The following ENTPD7 variants were observed in gnomAD, a reference collection of about 807,000 sequenced individuals.
ENTPD7 encodes the protein ectonucleoside triphosphate diphosphohydrolase 7.
A neutral mutation model predicts 77.9 loss-of-function variants in ENTPD7; 53 were observed. That is an observed-to-expected ratio of 0.68 (90% CI 0.55 to 0.85). ENTPD7 has a LOEUF of 0.85. ENTPD7 is among the 40% of genes least tolerant of loss of function. The probability of loss-of-function intolerance (pLI) is 0.00; values close to 1 mark genes in which losing one functional copy is unlikely to be tolerated. For synonymous variants in ENTPD7, 248 were observed against 274.9 expected (o/e 0.90, Z 0.97); for missense variants, 636 against 743.7 (o/e 0.86, Z 1.68).
In ENTPD7 at chr10:99,661,568, T is replaced by C. The variant is rs770032562; in HGVS notation, c.131T>C (p.Met44Thr). The change falls in exon 3 of 13, where the codon ATG becomes ACG. Residue 44 changes from methionine to threonine, a missense_variant. By Grantham distance (81) the Met-to-Thr change is moderately conservative. Transcript: ENST00000370489. ...TTCATATCCTGTCTCCTTTTACTTA[T>C]GTTAATCATAGACTTTCGACATTGG... ...LFFISCLLLLMLIIDFRHWSA... is the reference protein window; with the variant it reads ...LFFISCLLLLTLIIDFRHWSA... 3.1e-6 allele frequency: 5 copies of C among 1,613,792 alleles called. No individual in the cohort carries two copies. In the South Asian group the frequency reaches 3.3e-5, roughly 11 times the overall value.
At chr10:99,673,108 T>C (rs1189879152) in intron 3 of ENTPD7, among the ~76,000 whole-genome samples, 3 of 152,064 alleles carry the variant, frequency 2.0e-5, no homozygotes, top group Non-Finnish European at 4.4e-5. Context: ...GAGGTGTGTG[T>C]GTGGGTATGG....
rs973803584 is a variant in ENTPD7 at position 99,707,669 on chromosome 10, G to A, written c.*2986G>A. Among the ~76,000 whole-genome samples the A allele has an allele frequency of 1.3e-5, 2 of 152,138 alleles. No homozygotes were observed. The highest frequency in any genetic ancestry group is 3.8e-4 in the East Asian group (2 of 5,200). On this transcript the variant is annotated 3_prime_UTR_variant, in exon 13 of 13. Coordinates refer to ENST00000370489, the MANE Select transcript of ENTPD7 (RefSeq NM_020354.5). ...AGGACTCTTGTTATTACTGAGACAG[G>A]TCACAAACATCAAAATAGGAGTCCG...
intron 3 of ENTPD7, among the ~76,000 whole-genome samples, chr10:99,664,267 T>A (rs1375436913): frequency 6.6e-6 from 1 of 151,964 alleles, no homozygotes; most frequent in Non-Finnish European, 1.5e-5. Context: ...TATTAAAAAA[T>A]TTTTTTCTTT....
At chr10:99,683,024 TCCAC>T (rs2035772233) in intron 5 of ENTPD7, among the ~76,000 whole-genome samples, 2 of 152,310 alleles carry the variant, frequency 1.3e-5, no homozygotes, top group African/African-American at 2.4e-5. Flanking sequence ...ACTGTGTAGC[TCCAC>T]CCTTTTTGTC....
Position 99,661,626 on chromosome 10 carries a change from A to G in ENTPD7, c.189A>G (p.Glu63=), listed in dbSNP as rs781377422. The change falls in exon 3 of 13, where the codon GAA becomes GAG. Residue 63 remains glutamate, a splice_region_variant and synonymous_variant. Transcript: ENST00000370489. ...SASLPRDRQY[E]RYLARVGELE... ...CATTACCACGAGATAGGCAATACGA[A>G]AGGTGAGTCAGCTTTAGATTTTGGC... The G allele has an allele frequency of 8.7e-6, 14 of 1,601,598 alleles. No homozygotes were observed. Among genetic ancestry groups the G allele is most frequent in the African/African-American group, 2.7e-5 (2 of 74,136 alleles).
In ENTPD7 at chr10:99,710,126, CT is replaced by C. The variant is rs2036335859; in HGVS notation, c.*5444del. 3 of 985,316 alleles carry C rather than the reference CT, an allele frequency of 3.0e-6. No individual in the cohort carries two copies. 61.0% of individuals were successfully genotyped at this position (985,316 alleles called of 1,614,324 possible). On this transcript the variant is annotated 3_prime_UTR_variant, in exon 13 of 13. Coordinates refer to ENST00000370489, the MANE Select transcript of ENTPD7 (RefSeq NM_020354.5). ...TAAAGGGCAACCACTTGTATACCCTCTGGTGGCCACTCCTCCTTCTCCACTC... is the reference window on the plus strand; with the variant it reads ...TAAAGGGCAACCACTTGTATACCCTCGGTGGCCACTCCTCCTTCTCCACTC...
Position 99,709,771 on chromosome 10 carries a change from C to T in ENTPD7, c.*5088C>T, listed in dbSNP as rs902162129. ...CTTCCTTATATCCTAATAGACTTCT[C>T]TTGTGTTATTACACATTTCTCTTTT... On this transcript the variant is annotated 3_prime_UTR_variant, in exon 13 of 13. Transcript: ENST00000370489. 1.2e-5 allele frequency: 12 copies of T among 985,214 alleles called. No homozygotes were observed. The highest frequency in any genetic ancestry group is 1.7e-5 in the African/African-American group (1 of 57,222). 61.0% of individuals were successfully genotyped at this position (985,214 alleles called of 1,614,324 possible).
At chr10:99,694,010 A>G (rs2133485369) in intron 8 of ENTPD7, among the ~76,000 whole-genome samples, 1 of 152,320 alleles carries the variant, frequency 6.6e-6, no homozygotes. Context: ...ACTGTGAGAC[A>G]ATGGCATTTA....
intron 5 of ENTPD7, among the ~76,000 whole-genome samples, chr10:99,682,329 C>T (rs1172637065): frequency 6.6e-6 from 1 of 151,944 alleles, no homozygotes; most frequent in Non-Finnish European, 1.5e-5. Flanking sequence ...GACAACATAA[C>T]ATATAGCAGC....
At chr10:99,669,741 T>G (rs34770344) in intron 3 of ENTPD7, among the ~76,000 whole-genome samples, 5 of 18,868 alleles carry the variant, frequency 2.6e-4, no homozygotes, top group Admixed American at 6.1e-4. Context: ...AGATGTGTGG[T>G]TTTTTTTTTT....
intron 5 of ENTPD7, 97 bp downstream of exon 5, chr10:99,679,972 C>G: frequency 7.2e-7 from 1 of 1,390,104 alleles, no homozygotes. Context: ...GGTCTATACC[C>G]CTAAACCCAA....
intron 8 of ENTPD7, among the ~76,000 whole-genome samples, chr10:99,695,262 C>T (rs985785625): frequency 3.9e-5 from 6 of 152,098 alleles, no homozygotes; most frequent in African/African-American, 7.2e-5. Flanking sequence ...CAGTGGCTCA[C>T]ACCTGTAATC....
chr10:99,684,697 C>G lies in ENTPD7; in HGVS notation c.549-1095C>G, dbSNP rs1164514215. Among the ~76,000 whole-genome samples the G allele has an allele frequency of 2.0e-5, 3 of 152,168 alleles. No homozygotes were observed. The South Asian group carries it at 6.2e-4, about 31-fold the overall frequency. On this transcript the variant is annotated intron_variant, in intron 5 of 12. Coordinates refer to ENST00000370489, the MANE Select transcript of ENTPD7 (RefSeq NM_020354.5). ...TTGAATATTTTTTAATCCAAGATAA[C>G]TTGTCTTATTTTAACTAACATTTTC...
At chr10:99,691,806 A>G (rs935273711) in intron 8 of ENTPD7, among the ~76,000 whole-genome samples, 1 of 152,266 alleles carries the variant, frequency 6.6e-6, no homozygotes, top group Non-Finnish European at 1.5e-5. Context: ...TTTAACAATT[A>G]TAACTATACT....
At position 99,704,566 on chromosome 10, in the gene ENTPD7, C is replaced by G; in HGVS notation, c.1698C>G (p.Phe566Leu). Residue 566 changes from phenylalanine (F) to leucine (L), a missense_variant, in exon 13 of 13, where the codon TTC (phenylalanine) becomes TTG (leucine). This residue lies in a region of ENTPD7 where 138 missense variants were observed against 150.9 expected (regional missense o/e 0.91). Coordinates refer to ENST00000370489, the MANE Select transcript of ENTPD7 (RefSeq NM_020354.5). Reference protein sequence around the residue: ...ACILVVLLAIFLYLLRLRRIH... With the variant: ...ACILVVLLAILLYLLRLRRIH... ...TCCTGGTGGTGCTACTGGCCATCTT[C>G]CTATACCTTCTGCGGCTACGCCGAA... 1 of 1,614,192 alleles carries G rather than the reference C, an allele frequency of 6.2e-7. No individual in the cohort carries two copies. The highest frequency in any genetic ancestry group is 8.5e-7 in the Non-Finnish European group (1 of 1,180,008).
chr10:99,690,544 T>C (rs1437285478), intron 7 of ENTPD7, among the ~76,000 whole-genome samples: 1 of 144,720 alleles, frequency 6.9e-6, no homozygotes, highest in Non-Finnish European at 1.5e-5. Flanking sequence ...ATATGTTTCA[T>C]AATTTTTTTT....
At position 99,704,913 on chromosome 10, in the gene ENTPD7, G is replaced by A. The variant is rs2036222345; in HGVS notation, c.*230G>A. The stretch of plus-strand genomic sequence containing the variant: ...AATGACAGGAGATTGGTGCTAATAC[G>A]GGGGACCAAGCTTTGTCCAAGTGAA... On this transcript the variant is annotated 3_prime_UTR_variant, in exon 13 of 13. Transcript: ENST00000370489. 6 of 550,602 alleles carry A rather than the reference G, an allele frequency of 1.1e-5. No individual in the cohort carries two copies. The highest frequency in any genetic ancestry group is 3.1e-5 in the East Asian group (1 of 32,104). 34.1% of individuals were successfully genotyped at this position (550,602 alleles called of 1,614,324 possible). A position where few individuals can be genotyped will look rare whatever the true frequency, so the allele number is the denominator to read the frequency against.
intron 7 of ENTPD7, among the ~76,000 whole-genome samples, chr10:99,690,358 G>A (rs1427505304): frequency 6.6e-6 from 1 of 152,084 alleles, no homozygotes; most frequent in Non-Finnish European, 1.5e-5. Context: ...TAGGAAATAT[G>A]TATTTTTTAG....
At chr10:99,661,714 G>A in intron 3 of ENTPD7, 86 bp downstream of exon 3, 1 of 1,146,194 alleles carries the variant, frequency 8.7e-7, no homozygotes, top group South Asian at 2.0e-5. Context: ...CCTTTTGGGT[G>A]ATACTGTACT....
Sources: gnomAD v4.1 joint callset for allele counts (sites outside exome capture counted in the v4.1 genomes callset) on GRCh38, gnomAD v4.1.1 for gene constraint, gnomAD v4.1.1 regional missense constraint, MANE v1.5 for transcripts, NCBI Gene and HGNC (gene_info 2026-07-23, HGNC 2026-07-21) for gene names.